ATP2C2: variants seen among roughly 807,000 people sequenced by gnomAD.
ATP2C2 encodes the protein calcium-transporting ATPase type 2C member 2.
ATP2C2 carries 171 observed loss-of-function variants against 110.8 expected under a neutral mutation model. The observed-to-expected ratio is 1.54, with a 90% CI of 1.36 to 1.75. The LOEUF (loss-of-function observed/expected upper bound fraction) is 1.75. Ranked by LOEUF, ATP2C2 falls within the 40% of genes most tolerant of loss-of-function variation. The probability of loss-of-function intolerance (pLI) is 0.00; values close to 1 mark genes in which losing one functional copy is unlikely to be tolerated. For synonymous variants in ATP2C2, 804 were observed against 508.4 expected, an observed-to-expected ratio of 1.58 and a Z score of -7.82; for missense variants, 1,963 against 1,235.0, an observed-to-expected ratio of 1.59 and a Z score of -8.84.
At chr16:84,393,517 GT>G (rs1904785531) in intron 1 of ATP2C2, among the ~76,000 whole-genome samples, 1 of 152,184 alleles carries the variant, frequency 6.6e-6, no homozygotes, top group African/African-American at 2.4e-5. Context: ...GCTGAAGTCG[GT>G]TGAGAAGTGG....
chr16:84,394,497 C>T (rs1385351771), intron 1 of ATP2C2, among the ~76,000 whole-genome samples: 1 of 152,088 alleles, frequency 6.6e-6, no homozygotes, highest in African/African-American at 2.4e-5. Flanking sequence ...CTTCCAGGTT[C>T]ATCTGTGTTG....
chr16:84,437,958 A>G (rs1444679733), intron 11 of ATP2C2, among the ~76,000 whole-genome samples: 1 of 152,122 alleles, frequency 6.6e-6, no homozygotes, highest in African/African-American at 2.4e-5. Flanking sequence ...AACATCCCTT[A>G]TGAATGGACT....
At position 84,425,707 on chromosome 16, in the gene ATP2C2, G is replaced by A. The variant is rs555264813; in HGVS notation, c.920-28G>A. Reference sequence around the variant, plus strand: ...CATCAGCGTGTGTAGTGCATATGGAGATAAGGATGTTTTTGTCTCTTCCCC... The same window carrying A: ...CATCAGCGTGTGTAGTGCATATGGAAATAAGGATGTTTTTGTCTCTTCCCC... On this transcript the variant is annotated intron_variant, in intron 10 of 26. Transcript: ENST00000262429. 217 of 1,611,044 alleles carry A rather than the reference G, an allele frequency of 1.3e-4. 1 individual carries two copies. In the South Asian group the frequency reaches 2.2e-3, roughly 17 times the overall value.
At chr16:84,419,760 G>A (rs1054125431) in intron 7 of ATP2C2, among the ~76,000 whole-genome samples, 5 of 152,158 alleles carry the variant, frequency 3.3e-5, no homozygotes, top group African/African-American at 1.2e-4. Flanking sequence ...CACCGTGCAG[G>A]AAGCAGACCT....
Position 84,382,894 on chromosome 16 carries a change from TAAAAAAAAAAAA to T in ATP2C2, c.99+14191_99+14202del, listed in dbSNP as rs1170344466. 5.6e-3 allele frequency among the ~76,000 whole-genome samples: 515 copies of T among 91,756 alleles called. 1 individual carries two copies. The highest frequency in any genetic ancestry group is 7.9e-3 in the Non-Finnish European group (371 of 46,718). 60.2% of individuals were successfully genotyped at this position (91,756 alleles called of 152,430 possible). A position where few individuals can be genotyped will look rare whatever the true frequency, so the allele number is the denominator to read the frequency against. ...GTGGGCGACAGAGCAAGACTCCATC[TAAAAAAAAAAAA>T]AAAAAAAAAAGTAAAGAAAGAAATG... On this transcript the variant is annotated intron_variant, in intron 1 of 26. Transcript: ENST00000262429.
intron 1 of ATP2C2, among the ~76,000 whole-genome samples, chr16:84,395,951 C>G (rs1052258391): frequency 8.3e-4 from 126 of 152,258 alleles, no homozygotes; most frequent in African/African-American, 2.8e-3. Flanking sequence ...TCATCTTTCC[C>G]AAAGAGACTC....
chr16:84,376,953 A>G (rs1438252086), intron 1 of ATP2C2, among the ~76,000 whole-genome samples: 1 of 152,232 alleles, frequency 6.6e-6, no homozygotes, highest in African/African-American at 2.4e-5. Flanking sequence ...GTGGACTGTC[A>G]GTGATTCTTC....
intron 11 of ATP2C2, among the ~76,000 whole-genome samples, chr16:84,433,716 ATAATGGTGCATCCAATCCC>A (rs1567720975): frequency 2.6e-5 from 4 of 152,114 alleles, no homozygotes; most frequent in Admixed American, 1.3e-4. Flanking sequence ...CCTCCTGCCA[ATAATGGTGCATCCAATCCC>A]TGTCTTATAA....
chr16:84,461,874 C>A, intron 25 of ATP2C2, 62 bp downstream of exon 25: 13 of 1,607,412 alleles, frequency 8.1e-6, no homozygotes, highest in Non-Finnish European at 1.1e-5. Flanking sequence ...AGCAGCGCCC[C>A]GACCCTGCCC....
chr16:84,409,703 G>A (rs1906101301), intron 4 of ATP2C2, among the ~76,000 whole-genome samples: 2 of 152,046 alleles, frequency 1.3e-5, no homozygotes, highest in African/African-American at 4.8e-5. Flanking sequence ...AGGTTTCCCT[G>A]TGTTGGCCAG....
At chr16:84,424,174 A>G (rs1475887322) in intron 10 of ATP2C2, among the ~76,000 whole-genome samples, 1 of 152,272 alleles carries the variant, frequency 6.6e-6, no homozygotes, top group Non-Finnish European at 1.5e-5. Flanking sequence ...CTGCGAAGCC[A>G]GAGAACAGTC....
chr16:84,381,004 T>G (rs55791138), intron 1 of ATP2C2, among the ~76,000 whole-genome samples: 4,598 of 152,232 alleles, frequency 0.03, 223 homozygotes, highest in African/African-American at 0.11. Context: ...CGTAGTGAAT[T>G]TCATGCGCGT....
intron 3 of ATP2C2, among the ~76,000 whole-genome samples, chr16:84,406,881 T>C (rs1905819357): frequency 1.3e-5 from 2 of 152,188 alleles, no homozygotes; most frequent in South Asian, 4.1e-4. Flanking sequence ...CCCTCTGCTC[T>C]GTCGAAACCC....
At position 84,368,604 on chromosome 16, in the gene ATP2C2, C is replaced by G; in HGVS notation, c.-12C>G. ...GACCTAGGGACGCAGGCAACGCCTG[C>G]GCCCGCTCACCATGGTCGAGGGACG... On this transcript the variant is annotated 5_prime_UTR_variant, in exon 1 of 27. Coordinates refer to ENST00000262429, the MANE Select transcript of ATP2C2 (RefSeq NM_014861.4). 1 of 1,545,986 alleles carries G rather than the reference C, an allele frequency of 6.5e-7. No homozygotes were observed. Among genetic ancestry groups the G allele is most frequent in the Non-Finnish European group, 8.7e-7 (1 of 1,145,270 alleles).
Position 84,436,982 on chromosome 16 carries a change from G to C in ATP2C2, c.987-2184G>C, listed in dbSNP as rs146230828. Among the ~76,000 whole-genome samples the C allele has an allele frequency of 1.1e-4, 17 of 151,922 alleles. No individual in the cohort carries two copies. The South Asian group carries it at 1.7e-3, about 15-fold the overall frequency. ...TCTCCATGTTGGCCAGGCTGGTGTC[G>C]AACTCCCGACCTCAGGTGATCGAGG... On this transcript the variant is annotated intron_variant, in intron 11 of 26. Transcript: ENST00000262429.
intron 1 of ATP2C2, among the ~76,000 whole-genome samples, chr16:84,384,888 A>C (rs1305949586): frequency 6.6e-6 from 1 of 152,170 alleles, no homozygotes; most frequent in African/African-American, 2.4e-5. Context: ...GGTCTCTAAT[A>C]AAAATACAAA....
rs192592395 is a variant in ATP2C2, at chr16:84,437,130, A to G, written c.987-2036A>G. 2.0e-4 allele frequency among the ~76,000 whole-genome samples: 31 copies of G among 152,238 alleles called. 1 individual carries two copies. In the East Asian group the frequency reaches 5.2e-3, roughly 26 times the overall value. ...ATAATTCATCCATTTAAAGCATACAATTTAATGGTTTTTAGTGTATTCAGA... is the reference window on the plus strand; with the variant it reads ...ATAATTCATCCATTTAAAGCATACAGTTTAATGGTTTTTAGTGTATTCAGA... On this transcript the variant is annotated intron_variant, in intron 11 of 26. Coordinates refer to ENST00000262429, the MANE Select transcript of ATP2C2 (RefSeq NM_014861.4).
chr16:84,420,071 C>G (rs185417197), intron 7 of ATP2C2, among the ~76,000 whole-genome samples: 8 of 152,160 alleles, frequency 5.3e-5, no homozygotes, highest in Non-Finnish European at 1.2e-4. Flanking sequence ...AAACCCTCCC[C>G]CAGCACATGT....
chr16:84,462,094 A>G lies in ATP2C2; in HGVS notation c.2687A>G (p.Gln896Arg). ...QLAVIYIPPL[Q>R]RVFQTENLGA... ...GCGGTCATTTACATCCCCCCGCTGC[A>G]GAGGGTCTTCCAGACGGAGAACCTG... is the stretch of plus-strand genomic sequence containing the variant. Residue 896 changes from glutamine (Q) to arginine (R), a missense_variant, in exon 26 of 27, where the codon CAG becomes CGG. Coordinates refer to ENST00000262429, the MANE Select transcript of ATP2C2 (RefSeq NM_014861.4). The G allele has an allele frequency of 6.2e-7, 1 of 1,613,978 alleles. No individual in the cohort carries two copies.
Sources: allele counts gnomAD v4.1 joint callset (sites outside exome capture counted in the v4.1 genomes callset), GRCh38; gene constraint gnomAD v4.1.1; transcripts MANE v1.5; gene names NCBI Gene and HGNC (gene_info 2026-07-23, HGNC 2026-07-21).